Variants in CFLAR observed in about 807,000 individuals in gnomAD.
CFLAR encodes the protein CASP8 and FADD-like apoptosis regulator.
A neutral mutation model predicts 51.1 loss-of-function variants in CFLAR; 14 were observed. The ratio of observed to expected loss-of-function variants is 0.27; its 90% CI spans 0.18 to 0.43. The LOEUF (loss-of-function observed/expected upper bound fraction) is 0.43, where lower values mean the gene tolerates loss of function less well. Among genes scored for constraint, CFLAR ranks in the 20% least tolerant of loss-of-function variants. The pLI is 1.00. For missense variants in CFLAR, 390 were observed against 566.5 expected (o/e 0.69, Z 3.16); for synonymous variants, 210 against 211.6 (o/e 0.99, Z 0.06).
At chr2:201,140,138 G>C in intron 4 of CFLAR, 1 of 303,112 alleles carries the variant, frequency 3.3e-6, no homozygotes, top group Non-Finnish European at 6.0e-6. Flanking sequence ...GGCTGGGGGC[G>C]GGGGCTGCGG....
At chr2:201,137,902 C>G in intron 4 of CFLAR, 1 of 773,196 alleles carries the variant, frequency 1.3e-6, no homozygotes, top group Non-Finnish European at 2.4e-6. Context: ...AGCAGGGAGC[C>G]CATCATCACT....
At chr2:201,121,806 T>G (rs1043442949) in intron 1 of CFLAR, among the ~76,000 whole-genome samples, 6 of 152,222 alleles carry the variant, frequency 3.9e-5, no homozygotes, top group African/African-American at 1.4e-4. Context: ...GAACGTCTCC[T>G]AAATATTTTA....
At chr2:201,143,531 C>T (rs1939438443) in intron 5 of CFLAR, 1 of 152,078 alleles carries the variant, frequency 6.6e-6, no homozygotes, top group African/African-American at 2.4e-5. Flanking sequence ...TAAGCAGGCA[C>T]TATGGCATAT....
At chr2:201,158,676 T>C (rs1244242332) in intron 8 of CFLAR, among the ~76,000 whole-genome samples, 1 of 152,138 alleles carries the variant, frequency 6.6e-6, no homozygotes, top group African/African-American at 2.4e-5. Flanking sequence ...TCAGAGGAGA[T>C]GGCTAGGGGA....
intron 8 of CFLAR, chr2:201,151,362 A>T (rs964008525): frequency 6.6e-6 from 1 of 152,210 alleles, no homozygotes. Flanking sequence ...TTCCAGTTTT[A>T]GAGCTTCTCA....
rs1227552583 is a variant in CFLAR, at chr2:201,169,167, A to G, written c.*5194A>G. On this transcript the variant is annotated 3_prime_UTR_variant, in exon 10 of 10. Coordinates refer to ENST00000309955, the MANE Select transcript of CFLAR (RefSeq NM_003879.7). The stretch of plus-strand genomic sequence containing the variant: ...CCGTATAACCAAGACAACAATAAGC[A>G]AAAAGAACAAAGCTGGAAGCATCAC... 2.6e-5 allele frequency: 4 copies of G among 152,194 alleles called. No homozygotes were observed. The highest frequency in any genetic ancestry group is 4.4e-5 in the Non-Finnish European group (3 of 68,044). 9.4% of individuals were successfully genotyped at this position (152,194 alleles called of 1,614,324 possible).
Position 201,170,388 on chromosome 2 carries a change from T to A in CFLAR, c.*6415T>A, listed in dbSNP as rs535283140. 3.4e-5 allele frequency: 5 copies of A among 146,432 alleles called. No homozygotes were observed. In the Middle Eastern group the frequency reaches 0.011, roughly 309 times the overall value. 9.1% of individuals were successfully genotyped at this position (146,432 alleles called of 1,614,324 possible). A position where few individuals can be genotyped will look rare whatever the true frequency, so the allele number is the denominator to read the frequency against. ...GAAATCTTGAGTCTGGCCATGTTTC[T>A]ATTTTAAATTCATAAAGAATTCTAA... On this transcript the variant is annotated 3_prime_UTR_variant, in exon 10 of 10. Coordinates refer to ENST00000309955, the MANE Select transcript of CFLAR (RefSeq NM_003879.7).
At position 201,129,864 on chromosome 2, in the gene CFLAR, G is replaced by C; in HGVS notation, c.-2G>C. On this transcript the variant is annotated 5_prime_UTR_variant, in exon 2 of 10. Transcript: ENST00000309955. ...TGTGAGCTTCCCTAGTCTAAGAGTA[G>C]GATGTCTGCTGAAGTCATCCATCAG... 1.2e-6 allele frequency: 2 copies of C among 1,613,836 alleles called. No homozygotes were observed.
chr2:201,144,619 G>C (rs1215907666), intron 5 of CFLAR, among the ~76,000 whole-genome samples: 1 of 152,168 alleles, frequency 6.6e-6, no homozygotes, highest in Non-Finnish European at 1.5e-5. Context: ...TAGCTAATAA[G>C]TGGCAGAATT....
At chr2:201,129,271 A>T (rs1024384742) in intron 1 of CFLAR, 1 of 153,064 alleles carries the variant, frequency 6.5e-6, no homozygotes, top group Admixed American at 6.5e-5. Context: ...GTTCAAGGCC[A>T]CGTGGGTGGA....
intron 8 of CFLAR, among the ~76,000 whole-genome samples, chr2:201,155,582 TTTC>T (rs937595379): frequency 3.3e-5 from 5 of 152,018 alleles, no homozygotes; most frequent in Admixed American, 6.6e-5. Context: ...GTATTTTTTT[TTTC>T]TATCCTGCTC....
At chr2:201,156,887 C>T (rs1942267291) in intron 8 of CFLAR, among the ~76,000 whole-genome samples, 1 of 152,122 alleles carries the variant, frequency 6.6e-6, no homozygotes. Context: ...AGTTTTTCTT[C>T]CTCTATTTAT....
intron 4 of CFLAR, 185 bp from the exon 5 acceptor site, chr2:201,140,172 C>T (rs1232284208): frequency 3.5e-6 from 2 of 572,862 alleles, no homozygotes; most frequent in African/African-American, 4.0e-5. Context: ...GGCCAGGGCG[C>T]CCTATACTCC....
At chr2:201,121,576 G>A (rs903511172) in intron 1 of CFLAR, among the ~76,000 whole-genome samples, 2 of 152,090 alleles carry the variant, frequency 1.3e-5, no homozygotes, top group Non-Finnish European at 2.9e-5. Context: ...CAAAAAGCAG[G>A]TAGTGCTTTT....
intron 5 of CFLAR, 122 bp downstream of exon 5, chr2:201,140,561 G>A (rs1938459919): frequency 8.7e-6 from 6 of 693,328 alleles, no homozygotes; most frequent in Admixed American, 3.7e-5. Flanking sequence ...ATAGAAATGT[G>A]TATTTGTTTT....
intron 4 of CFLAR, chr2:201,137,313 C>T (rs568980747): frequency 7.3e-6 from 2 of 272,122 alleles, no homozygotes; most frequent in Non-Finnish European, 1.5e-5. Context: ...GGCAGCCTGG[C>T]CCAGGGAGCA....
intron 3 of CFLAR, among the ~76,000 whole-genome samples, chr2:201,134,307 C>CA (rs1226267803): frequency 7.6e-5 from 11 of 145,240 alleles, no homozygotes; most frequent in Non-Finnish European, 7.5e-5. Context: ...GACTCTGTCT[C>CA]AAAAAAAAAA....
chr2:201,143,085 T>G (rs898151395), intron 5 of CFLAR, among the ~76,000 whole-genome samples: 2 of 152,238 alleles, frequency 1.3e-5, no homozygotes, highest in Non-Finnish European at 2.9e-5. Context: ...ATTTTTACTA[T>G]TGTGTTTCTA....
At chr2:201,139,910 C>G (rs948934273) in intron 4 of CFLAR, 2 of 160,188 alleles carry the variant, frequency 1.2e-5, no homozygotes, top group Non-Finnish European at 2.8e-5. Context: ...TTTTCCAAGT[C>G]TCTCGTTCCA....
Sources: allele counts gnomAD v4.1 joint callset (sites outside exome capture counted in the v4.1 genomes callset), GRCh38; gene constraint gnomAD v4.1.1; transcripts MANE v1.5; gene names NCBI Gene and HGNC (gene_info 2026-07-23, HGNC 2026-07-21).